Variants in KCNIP4 observed in about 807,000 individuals in gnomAD.
The protein encoded by KCNIP4 is potassium voltage-gated channel interacting protein 4, also known as Kv channel-interacting protein 4.
KCNIP4 carries 12 observed loss-of-function variants against 34.0 expected under a neutral mutation model. The ratio of observed to expected loss-of-function variants is 0.35; its 90% CI spans 0.23 to 0.57. The LOEUF (loss-of-function observed/expected upper bound fraction) is 0.57. KCNIP4 is among the 20% of genes least tolerant of loss of function. The pLI is 0.83. For missense variants in KCNIP4, 238 were observed against 311.7 expected (o/e 0.76, Z 1.78); for synonymous variants, 124 against 102.2 (o/e 1.21, Z -1.29).
intron 1 of KCNIP4, among the ~76,000 whole-genome samples, chr4:21,264,599 A>G (rs1477910701): frequency 6.6e-6 from 1 of 152,214 alleles, no homozygotes; most frequent in East Asian, 1.9e-4. Flanking sequence ...AAGGTGTCCT[A>G]AAGATTAAAT....
intron 1 of KCNIP4, among the ~76,000 whole-genome samples, chr4:21,255,062 G>C (rs1441644428): frequency 6.6e-6 from 1 of 152,100 alleles, no homozygotes; most frequent in Non-Finnish European, 1.5e-5. Context: ...TTGAGACCAA[G>C]TCAGTCTTGA....
At chr4:21,778,416 G>A (rs1577976025) in intron 1 of KCNIP4, among the ~76,000 whole-genome samples, 1 of 151,524 alleles carries the variant, frequency 6.6e-6, no homozygotes, top group East Asian at 2.0e-4. Context: ...AAAAAAACTG[G>A]TAGAAATGGG....
chr4:21,712,591 T>G lies in KCNIP4; in HGVS notation c.61+235980A>C, dbSNP rs1486087392. 2.6e-5 allele frequency among the ~76,000 whole-genome samples: 4 copies of G among 151,908 alleles called. No individual in the cohort carries two copies. In the South Asian group the frequency reaches 6.2e-4, roughly 24 times the overall value. Reference sequence around the variant, plus strand: ...CTTAAGAAATGTCACCTCTCTTGTGTCTCCTTCTTTCTAGATAAGCTCTCC... The same window carrying G: ...CTTAAGAAATGTCACCTCTCTTGTGGCTCCTTCTTTCTAGATAAGCTCTCC... On this transcript the variant is annotated intron_variant, in intron 1 of 8. Coordinates refer to ENST00000382152, the MANE Select transcript of KCNIP4 (RefSeq NM_025221.6).
intron 3 of KCNIP4, among the ~76,000 whole-genome samples, chr4:20,830,672 A>G (rs1718312805): frequency 1.3e-5 from 2 of 152,354 alleles, no homozygotes; most frequent in South Asian, 4.1e-4. Context: ...TATAGCAATA[A>G]TACAGAAAAA....
intron 1 of KCNIP4, among the ~76,000 whole-genome samples, chr4:20,936,788 A>G (rs137887739): frequency 3.1e-4 from 47 of 152,322 alleles, no homozygotes; most frequent in African/African-American, 1.1e-3. Flanking sequence ...AGCACAAAGT[A>G]AAATAGAATA....
intron 1 of KCNIP4, among the ~76,000 whole-genome samples, chr4:21,114,509 A>T (rs966688959): frequency 4.6e-5 from 7 of 152,126 alleles, no homozygotes; most frequent in Admixed American, 6.5e-5. Flanking sequence ...CCATTCTATT[A>T]AAAAAGAATA....
chr4:21,316,568 A>G (rs1208286395), intron 1 of KCNIP4: 4 of 152,176 alleles, frequency 2.6e-5, no homozygotes, highest in Non-Finnish European at 5.9e-5. Context: ...TTCATTTGTC[A>G]CCTTTGCGCA....
intron 1 of KCNIP4, among the ~76,000 whole-genome samples, chr4:21,600,718 G>A (rs1363612828): frequency 6.6e-6 from 1 of 151,978 alleles, no homozygotes; most frequent in Non-Finnish European, 1.5e-5. Flanking sequence ...CAACACTTTC[G>A]ATTTCCCCAT....
chr4:21,472,627 G>T (rs1213388295), intron 1 of KCNIP4, among the ~76,000 whole-genome samples: 1 of 152,076 alleles, frequency 6.6e-6, no homozygotes, highest in Non-Finnish European at 1.5e-5. Flanking sequence ...TGAGGAAACT[G>T]GTGTTTTTTC....
chr4:20,984,293 G>C lies in KCNIP4; in HGVS notation c.62-101584C>G, dbSNP rs143959721. Among the ~76,000 whole-genome samples, 596 of 152,330 alleles carry C rather than the reference G, an allele frequency of 3.9e-3. 3 individuals are homozygous for C. The highest frequency in any genetic ancestry group is 0.013 in the African/African-American group (556 of 41,594). On this transcript the variant is annotated intron_variant, in intron 1 of 8. Coordinates refer to ENST00000382152, the MANE Select transcript of KCNIP4 (RefSeq NM_025221.6). Reference sequence around the variant, plus strand: ...TCCGTGGCGAGAAGGGACACTCCTAGGAAACTTGCCCGGGAGAACACCGCG... The same window carrying C: ...TCCGTGGCGAGAAGGGACACTCCTACGAAACTTGCCCGGGAGAACACCGCG...
intron 1 of KCNIP4, among the ~76,000 whole-genome samples, chr4:21,750,509 C>T (rs894409907): frequency 6.6e-5 from 10 of 152,072 alleles, no homozygotes; most frequent in Non-Finnish European, 1.0e-4. Context: ...AGTGATTGAG[C>T]TTGATGATGG....
intron 2 of KCNIP4, among the ~76,000 whole-genome samples, chr4:20,858,172 C>T (rs1243593983): frequency 2.9e-5 from 4 of 136,016 alleles, no homozygotes; most frequent in African/African-American, 1.1e-4. Flanking sequence ...GATCTCGCTA[C>T]TGCACTCCAG....
At chr4:21,901,104 T>C (rs190003507) in intron 1 of KCNIP4, among the ~76,000 whole-genome samples, 1 of 152,308 alleles carries the variant, frequency 6.6e-6, no homozygotes. Context: ...TCACCAGAAG[T>C]TGTAAAAGTT....
At chr4:21,072,749 G>C (rs965249762) in intron 1 of KCNIP4, among the ~76,000 whole-genome samples, 1 of 151,842 alleles carries the variant, frequency 6.6e-6, no homozygotes, top group African/African-American at 2.4e-5. Flanking sequence ...GTATTGCCTA[G>C]GTTTTCTCCT....
At chr4:21,172,908 G>A (rs1158521727) in intron 1 of KCNIP4, among the ~76,000 whole-genome samples, 1 of 152,152 alleles carries the variant, frequency 6.6e-6, no homozygotes, top group East Asian at 1.9e-4. Flanking sequence ...GTGAGCTGGA[G>A]CATCATACTC....
chr4:21,294,393 T>C (rs1314820152), intron 1 of KCNIP4, among the ~76,000 whole-genome samples: 1 of 152,226 alleles, frequency 6.6e-6, no homozygotes, highest in African/African-American at 2.4e-5. Context: ...CATCGCATTT[T>C]GGCATACCTA....
chr4:20,864,047 T>C (rs1324565752), intron 2 of KCNIP4, among the ~76,000 whole-genome samples: 1 of 125,208 alleles, frequency 8.0e-6, no homozygotes, highest in Non-Finnish European at 1.9e-5. Flanking sequence ...TGTATACGCA[T>C]GTATGTATAC....
chr4:21,349,457 G>T (rs1560314875), intron 1 of KCNIP4, among the ~76,000 whole-genome samples: 1 of 152,138 alleles, frequency 6.6e-6, no homozygotes, highest in Admixed American at 6.6e-5. Context: ...CTATTTTTAA[G>T]AATTAATCTA....
At chr4:20,983,709 T>C in intron 1 of KCNIP4, 1 of 919,790 alleles carries the variant, frequency 1.1e-6, no homozygotes, top group Non-Finnish European at 1.6e-6. Flanking sequence ...CATGCATATT[T>C]TAAAACTTTT....
Sources: allele counts gnomAD v4.1 joint callset (sites outside exome capture counted in the v4.1 genomes callset), GRCh38; gene constraint gnomAD v4.1.1; transcripts MANE v1.5; gene names NCBI Gene and HGNC (gene_info 2026-07-23, HGNC 2026-07-21).